The following CYLC1 variants were observed in gnomAD, a reference collection of about 807,000 sequenced individuals.
CYLC1 encodes cylicin-1.
A neutral mutation model predicts 31.6 loss-of-function variants in CYLC1; 2 were observed. The ratio of observed to expected loss-of-function variants is 0.06; its 90% CI spans 0.03 to 0.20. CYLC1 has a LOEUF of 0.20. CYLC1 is among the 10% of genes least tolerant of loss of function. The probability of loss-of-function intolerance (pLI) is 1.00; values close to 1 mark genes in which losing one functional copy is unlikely to be tolerated. For missense variants in CYLC1, 595 were observed against 424.1 expected (o/e 1.40, Z -3.54); for synonymous variants, 185 against 153.0 (o/e 1.21, Z -1.54).
At chrX:83,872,849 A>G in intron 3 of CYLC1, 37 bp from the exon 4 acceptor site, 1 of 971,045 alleles carries the variant, frequency 1.0e-6, no homozygotes, top group Non-Finnish European at 1.4e-6. Context: ...GATAAAACTC[A>G]TTCACAAATG....
chrX:83,873,034 A>C lies in CYLC1; in HGVS notation c.326A>C (p.His109Pro), dbSNP rs113417633. 1 of 1,201,261 alleles carries C rather than the reference A, an allele frequency of 8.3e-7. No individual in the cohort carries two copies. Among genetic ancestry groups the C allele is most frequent in the Non-Finnish European group, 1.1e-6 (1 of 891,380 alleles). ...PFRHLYTSKT[H>P]LKKAEYKKSK... ...AGACATCTTTATACTTCCAAAACCCATCTTAAAAAAGCAGAATATAAAAAG... is the reference window on the plus strand; with the variant it reads ...AGACATCTTTATACTTCCAAAACCCCTCTTAAAAAAGCAGAATATAAAAAG... Residue 109 changes from histidine (H) to proline (P), a missense_variant, in exon 4 of 5, where the codon CAT (histidine) becomes CCT (proline). Coordinates refer to ENST00000329312, the MANE Select transcript of CYLC1 (RefSeq NM_021118.3).
intron 1 of CYLC1, among the ~76,000 whole-genome samples, chrX:83,863,298 C>G (rs902117373): frequency 9.0e-6 from 1 of 111,360 alleles, no homozygotes; most frequent in African/African-American, 3.3e-5. Flanking sequence ...ATGTCAGGTA[C>G]CTCTAATAAC....
At chrX:83,877,912 A>G (rs2031799106) in intron 4 of CYLC1, among the ~76,000 whole-genome samples, 1 of 22,555 alleles carries the variant, frequency 4.4e-5, no homozygotes, top group South Asian at 2.6e-3. Context: ...ATATATAAAT[A>G]TATATATATA....
chrX:83,885,021 G>T (rs1435755796), intron 4 of CYLC1, among the ~76,000 whole-genome samples: 1 of 110,900 alleles, frequency 9.0e-6, no homozygotes, highest in African/African-American at 3.3e-5. Context: ...GTTTAATTTT[G>T]GTTACTCTTT....
rs775315074 is a variant in CYLC1, at chrX:83,885,924, A to G, written c.1924-628A>G. Among the ~76,000 whole-genome samples the G allele has an allele frequency of 7.3e-5, 8 of 110,192 alleles. No homozygotes were observed. In the South Asian group the frequency reaches 3.0e-3, roughly 42 times the overall value. ...TTAGTAAGATCTGAAACAGATTAGTATGCATTCATTGAAATAATAATGATG... is the reference window on the plus strand; with the variant it reads ...TTAGTAAGATCTGAAACAGATTAGTGTGCATTCATTGAAATAATAATGATG... On this transcript the variant is annotated intron_variant, in intron 4 of 4. Transcript: ENST00000329312.
intron 4 of CYLC1, among the ~76,000 whole-genome samples, chrX:83,876,892 G>C (rs998859045): frequency 8.1e-5 from 9 of 110,602 alleles, no homozygotes; most frequent in Non-Finnish European, 1.7e-4. Context: ...AGTATATAGC[G>C]TTAAATGGCT....
rs1229489676 is a variant in CYLC1, at chrX:83,869,859, T to G, written c.18-6T>G. 2 of 811,257 alleles carry G rather than the reference T, an allele frequency of 2.5e-6. No homozygotes were observed. Among genetic ancestry groups the G allele is most frequent in the Admixed American group, 8.7e-5 (2 of 23,098 alleles). The allele number at this position is 811,257 out of a possible 1,213,427, so 66.9% of individuals were successfully genotyped here. A position where few individuals can be genotyped will look rare whatever the true frequency, so the allele number is the denominator to read the frequency against. On this transcript the variant is annotated splice_region_variant and splice_polypyrimidine_tract_variant and intron_variant, in intron 1 of 4. Coordinates refer to ENST00000329312, the MANE Select transcript of CYLC1 (RefSeq NM_021118.3). ...ATTTAATTAAAGCATTTTCTTCTTT[T>G]AATAGGCTAAAAGTAAACATCAGAA...
rs771696188 is a variant in CYLC1, at chrX:83,874,367, G to A, written c.1659G>A (p.Gly553=). 8 of 1,210,008 alleles carry A rather than the reference G, an allele frequency of 6.6e-6. No individual in the cohort carries two copies. The highest frequency in any genetic ancestry group is 8.9e-6 in the Non-Finnish European group (8 of 894,550). Residue 553 remains glycine, a synonymous_variant, in exon 4 of 5, where the codon GGG becomes GGA. Transcript: ENST00000329312. ...CTGAAGAGTCACTATATAAACCTGG[G>A]GCTAAGAAGAAAATTGATGAATCAG... ...TESEESLYKP[G]AKKKIDESDG...
chrX:83,872,906 A>G lies in CYLC1; in HGVS notation c.198A>G (p.Leu66=). 8.6e-7 allele frequency: 1 copy of G among 1,169,019 alleles called. No homozygotes were observed. Among genetic ancestry groups the G allele is most frequent in the Non-Finnish European group, 1.1e-6 (1 of 879,334 alleles). The change falls in exon 4 of 5, where the codon CTA becomes CTG. Residue 66 remains leucine, a synonymous_variant. Transcript: ENST00000329312. ...ITVTRHDKRK[L]EEGQKPAHKW... is the part of the protein sequence containing the mutation. ...TTCAGAGACATGACAAAAGAAAACT[A>G]GAAGAAGGCCAGAAACCAGCTCATA... is the stretch of plus-strand genomic sequence containing the variant.
chrX:83,867,098 A>G (rs865958355), intron 1 of CYLC1, among the ~76,000 whole-genome samples: 1 of 111,436 alleles, frequency 9.0e-6, no homozygotes, highest in Middle Eastern at 4.2e-3. Context: ...CCAGTCTTCA[A>G]TAACATGTTT....
In CYLC1 at chrX:83,886,469, A is replaced by T. The variant is rs150633946; in HGVS notation, c.1924-83A>T. The T allele has an allele frequency of 2.0e-4, 188 of 921,421 alleles. 2 individuals are homozygous for T. The East Asian group carries it at 5.7e-3, about 28-fold the overall frequency. The allele number at this position is 921,421 out of a possible 1,213,427, so 75.9% of individuals were successfully genotyped here. A position where few individuals can be genotyped will look rare whatever the true frequency, so the allele number is the denominator to read the frequency against. The stretch of plus-strand genomic sequence containing the variant: ...CTATGACAGTCTGTGCTTTCGTGTG[A>T]TCCTTAACACATCATAGTTGTCTTG... On this transcript the variant is annotated intron_variant, in intron 4 of 4. Coordinates refer to ENST00000329312, the MANE Select transcript of CYLC1 (RefSeq NM_021118.3).
intron 4 of CYLC1, 88 bp from the exon 5 acceptor site, chrX:83,886,464 G>C: frequency 3.5e-6 from 3 of 867,095 alleles, no homozygotes; most frequent in Middle Eastern, 2.8e-4. Context: ...CTGTGCTTTC[G>C]TGTGATCCTT....
intron 4 of CYLC1, among the ~76,000 whole-genome samples, chrX:83,875,497 A>G (rs980383325): frequency 8.9e-6 from 1 of 111,814 alleles, no homozygotes; most frequent in Non-Finnish European, 1.9e-5. Context: ...GCAAAAGGCA[A>G]GGAGGAGCAA....
At chrX:83,871,314 G>A (rs1369706397) in intron 2 of CYLC1, 138 bp from the exon 3 acceptor site, 1 of 352,551 alleles carries the variant, frequency 2.8e-6, no homozygotes. Flanking sequence ...AAATAAACTA[G>A]GAACTCTGAG....
At position 83,873,352 on chromosome X, in the gene CYLC1, A is replaced by G. The variant is rs2031703023; in HGVS notation, c.644A>G (p.His215Arg). 8.3e-7 allele frequency: 1 copy of G among 1,200,908 alleles called. No homozygotes were observed. The highest frequency in any genetic ancestry group is 2.2e-5 in the Admixed American group (1 of 45,197). Residue 215 changes from histidine (H) to arginine (R), a missense_variant, in exon 4 of 5, where the codon CAT (histidine) becomes CGT (arginine). His to Arg is a conservative substitution (Grantham distance 29, BLOSUM62 0). Coordinates refer to ENST00000329312, the MANE Select transcript of CYLC1 (RefSeq NM_021118.3). ...AAGAAGACAAACACTGAATTCCTAC[A>G]TACAAAGAACAATCCAAAGAAAGAT... is the stretch of plus-strand genomic sequence containing the variant. The part of the protein sequence containing the change: ...NSKKTNTEFL[H>R]TKNNPKKDLK...
At chrX:83,869,827 A>G (rs770014326) in intron 1 of CYLC1, 38 bp from the exon 2 acceptor site, 59 of 684,555 alleles carry the variant, frequency 8.6e-5, no homozygotes, top group Non-Finnish European at 1.1e-4. Flanking sequence ...TATTGCCCAT[A>G]ATACAAATTT....
At chrX:83,872,775 A>G in intron 3 of CYLC1, 111 bp from the exon 4 acceptor site, 3 of 644,128 alleles carry the variant, frequency 4.7e-6, no homozygotes, top group South Asian at 4.4e-5. Context: ...TTGAAAGAGA[A>G]AAAAACTAAG....
At chrX:83,881,821 C>T (rs1185966232) in intron 4 of CYLC1, among the ~76,000 whole-genome samples, 2 of 107,316 alleles carry the variant, frequency 1.9e-5, no homozygotes, top group South Asian at 4.2e-4. Flanking sequence ...CTCAGCCTCC[C>T]GTGTAGCTGG....
chrX:83,872,714 CTCTT>C (rs2031683595), intron 3 of CYLC1, among the ~76,000 whole-genome samples, 168 bp from the exon 4 acceptor site: 1 of 60,247 alleles, frequency 1.7e-5, no homozygotes, highest in Non-Finnish European at 3.6e-5. Flanking sequence ...TTCTGTCTCT[CTCTT>C]ACACACACAC....
Sources: allele counts gnomAD v4.1 joint callset (sites outside exome capture counted in the v4.1 genomes callset), GRCh38; gene constraint gnomAD v4.1.1; transcripts MANE v1.5; gene names NCBI Gene and HGNC (gene_info 2026-07-23, HGNC 2026-07-21).